IGF2BP3: variants seen among roughly 807,000 people sequenced by gnomAD.
The protein encoded by IGF2BP3 is insulin like growth factor 2 mRNA binding protein 3.
IGF2BP3 carries 9 observed loss-of-function variants against 73.8 expected under a neutral mutation model. The observed-to-expected ratio is 0.12, with a 90% CI of 0.07 to 0.21. The LOEUF is 0.21. IGF2BP3 is among the 10% of genes least tolerant of loss of function. The pLI is 1.00. For missense variants in IGF2BP3, 542 were observed against 714.0 expected (o/e 0.76, Z 2.75); for synonymous variants, 258 against 256.7 (o/e 1.01, Z -0.05).
rs1277015279 is a variant in IGF2BP3, at chr7:23,426,285, A to T, written c.237-7461T>A. Among the ~76,000 whole-genome samples the T allele has an allele frequency of 9.5e-5, 13 of 137,092 alleles. No homozygotes were observed. The Admixed American group carries it at 1.1e-3, about 11-fold the overall frequency. The allele number at this position is 137,092 out of a possible 152,430, so 89.9% of individuals were successfully genotyped here. On this transcript the variant is annotated intron_variant, in intron 2 of 14. Transcript: ENST00000258729. ...CAGCAAGCTGAGACCGTGCCATTGC[A>T]CTCCAGCCTGGGCAGTAAGAGCAAA...
chr7:23,318,002 C>T (rs888594307), intron 11 of IGF2BP3, among the ~76,000 whole-genome samples: 1 of 152,082 alleles, frequency 6.6e-6, no homozygotes, highest in Non-Finnish European at 1.5e-5. Context: ...TTCACAAATG[C>T]GGAAATGGAA....
At chr7:23,402,493 T>G (rs978744964) in intron 3 of IGF2BP3, 1 of 152,124 alleles carries the variant, frequency 6.6e-6, no homozygotes, top group Non-Finnish European at 1.5e-5. Flanking sequence ...AAGGAGGTGA[T>G]GGGAGTAAAA....
At chr7:23,321,321 T>TC (rs1351966187) in intron 10 of IGF2BP3, among the ~76,000 whole-genome samples, 1 of 152,208 alleles carries the variant, frequency 6.6e-6, no homozygotes, top group Non-Finnish European at 1.5e-5. Flanking sequence ...AGACGGCACC[T>TC]GGAAAATCGG....
chr7:23,320,493 G>A (rs149623822), intron 10 of IGF2BP3, among the ~76,000 whole-genome samples: 1 of 152,146 alleles, frequency 6.6e-6, no homozygotes, highest in East Asian at 1.9e-4. Context: ...CAGAAGCAGT[G>A]CACATAATTT....
chr7:23,325,402 A>G (rs1380546652), intron 10 of IGF2BP3, among the ~76,000 whole-genome samples: 1 of 152,168 alleles, frequency 6.6e-6, no homozygotes, highest in Non-Finnish European at 1.5e-5. Flanking sequence ...ACTACAAACC[A>G]CTGCTCAATG....
At chr7:23,409,332 G>A (rs1192727230) in intron 3 of IGF2BP3, among the ~76,000 whole-genome samples, 1 of 152,054 alleles carries the variant, frequency 6.6e-6, no homozygotes, top group Admixed American at 6.5e-5. Flanking sequence ...ATTCCAAAAG[G>A]GTTTTTTTGT....
At chr7:23,440,699 C>A (rs1045207316) in intron 2 of IGF2BP3, among the ~76,000 whole-genome samples, 8 of 152,200 alleles carry the variant, frequency 5.3e-5, no homozygotes, top group African/African-American at 1.9e-4. Context: ...AGGACTCCAA[C>A]AACCCCTAAC....
chr7:23,328,098 C>A (rs1016227555), intron 10 of IGF2BP3, among the ~76,000 whole-genome samples: 17 of 152,182 alleles, frequency 1.1e-4, no homozygotes, highest in African/African-American at 4.1e-4. Context: ...CAATCCCACT[C>A]AAAAGTAGTT....
intron 2 of IGF2BP3, among the ~76,000 whole-genome samples, chr7:23,429,287 A>T (rs1388286147): frequency 1.3e-5 from 2 of 152,236 alleles, no homozygotes; most frequent in Non-Finnish European, 2.9e-5. Context: ...AAAATCTGAC[A>T]AAAGATAGAA....
At position 23,351,476 on chromosome 7, in the gene IGF2BP3, C is replaced by G; in HGVS notation, c.512G>C (p.Arg171Pro). 6.2e-7 allele frequency: 1 copy of G among 1,613,784 alleles called. No individual in the cohort carries two copies. Among genetic ancestry groups the G allele is most frequent in the South Asian group, 1.1e-5 (1 of 91,020 alleles). ...QQNPLQQPRG[R>P]RGLGQRGSSR... ...GGAGCCCCTCTGCCCAAGCCCCCGG[C>G]GACCTCGGGGCTGCTGCAAGGGGTT... The change falls in exon 6 of 15, where the codon CGC (arginine) becomes CCC (proline). Residue 171 changes from arginine to proline, a missense_variant. Coordinates refer to ENST00000258729, the MANE Select transcript of IGF2BP3 (RefSeq NM_006547.3).
At chr7:23,345,802 T>TGTA in intron 8 of IGF2BP3, 138 bp downstream of exon 8, 1 of 974,090 alleles carries the variant, frequency 1.0e-6, no homozygotes, top group Non-Finnish European at 1.5e-6. Flanking sequence ...GGCAGCAAGC[T>TGTA]GTATTTGAGA....
At chr7:23,378,212 A>G (rs1247484066) in intron 3 of IGF2BP3, among the ~76,000 whole-genome samples, 1 of 152,148 alleles carries the variant, frequency 6.6e-6, no homozygotes, top group East Asian at 1.9e-4. Context: ...AAACTGAACT[A>G]TTAGTCACGG....
chr7:23,401,330 G>A (rs1259854737), intron 3 of IGF2BP3, among the ~76,000 whole-genome samples: 1 of 152,128 alleles, frequency 6.6e-6, no homozygotes, highest in Non-Finnish European at 1.5e-5. Context: ...ATGGCTGCCA[G>A]CATCATGGAG....
intron 5 of IGF2BP3, among the ~76,000 whole-genome samples, chr7:23,357,508 G>A (rs1785124983): frequency 6.6e-6 from 1 of 152,064 alleles, no homozygotes; most frequent in Non-Finnish European, 1.5e-5. Context: ...ATTTTCTAGG[G>A]GGTTATTTCT....
At chr7:23,317,782 C>CCTAA in intron 11 of IGF2BP3, 69 bp from the exon 12 acceptor site, 1 of 1,247,290 alleles carries the variant, frequency 8.0e-7, no homozygotes, top group Non-Finnish European at 1.2e-6. Flanking sequence ...GGCCAACCAG[C>CCTAA]CTAACATTTG....
At chr7:23,461,983 G>A (rs1454735564) in intron 2 of IGF2BP3, among the ~76,000 whole-genome samples, 2 of 152,048 alleles carry the variant, frequency 1.3e-5, no homozygotes, top group African/African-American at 2.4e-5. Flanking sequence ...TTTCACTTAG[G>A]GTAAGATCAG....
intron 3 of IGF2BP3, among the ~76,000 whole-genome samples, chr7:23,407,713 C>G (rs746024341): frequency 6.6e-5 from 10 of 151,740 alleles, no homozygotes; most frequent in Non-Finnish European, 1.3e-4. Flanking sequence ...CAAATCACTT[C>G]CAGAAAAGGT....
At chr7:23,344,666 G>A (rs1784789628) in intron 8 of IGF2BP3, among the ~76,000 whole-genome samples, 1 of 152,208 alleles carries the variant, frequency 6.6e-6, no homozygotes, top group South Asian at 2.1e-4. Flanking sequence ...TACATAAATT[G>A]AGAGGATATG....
chr7:23,418,693 A>C, intron 3 of IGF2BP3, 83 bp downstream of exon 3: 1 of 887,188 alleles, frequency 1.1e-6, no homozygotes, highest in Non-Finnish European at 1.8e-6. Context: ...CCAAGAGTTG[A>C]GGAAAGGAGA....
Sources: gnomAD v4.1 joint callset for allele counts (sites outside exome capture counted in the v4.1 genomes callset) on GRCh38, gnomAD v4.1.1 for gene constraint, MANE v1.5 for transcripts, NCBI Gene and HGNC (gene_info 2026-07-23, HGNC 2026-07-21) for gene names.